The following SMG6 variants were observed in gnomAD, a reference collection of about 807,000 sequenced individuals.
The protein encoded by SMG6 is SMG6 nonsense mediated mRNA decay factor.
Under a neutral mutation model 142.2 loss-of-function variants are expected in SMG6, and 66 were observed. The observed-to-expected ratio is 0.46, with a 90% CI of 0.38 to 0.57. SMG6 has a LOEUF of 0.57. Among genes scored for constraint, SMG6 ranks in the 20% least tolerant of loss-of-function variants. SMG6 has a pLI of 0.00. For missense variants in SMG6, 1,793 were observed against 1,832.0 expected (o/e 0.98, Z 0.39); for synonymous variants, 779 against 702.4 (o/e 1.11, Z -1.72).
At chr17:2,160,273 G>A (rs1254948668) in intron 13 of SMG6, among the ~76,000 whole-genome samples, 1 of 152,092 alleles carries the variant, frequency 6.6e-6, no homozygotes, top group Non-Finnish European at 1.5e-5. Context: ...AGGCTGGAGT[G>A]CAGTGGTGCA....
At chr17:2,116,298 T>C (rs1433891944) in intron 13 of SMG6, among the ~76,000 whole-genome samples, 1 of 152,102 alleles carries the variant, frequency 6.6e-6, no homozygotes, top group Non-Finnish European at 1.5e-5. Flanking sequence ...AGGCTGGTAC[T>C]GAACTCCTGG....
intron 10 of SMG6, among the ~76,000 whole-genome samples, chr17:2,197,297 C>T (rs775556114): frequency 1.3e-5 from 2 of 152,270 alleles, no homozygotes; most frequent in East Asian, 1.9e-4. Context: ...GGCGCGGTGG[C>T]TCACGCCTAT....
chr17:2,156,356 T>C lies in SMG6; in HGVS notation c.3357+16302A>G, dbSNP rs748910720. On this transcript the variant is annotated intron_variant, in intron 13 of 18. Coordinates refer to ENST00000263073, the MANE Select transcript of SMG6 (RefSeq NM_017575.5). Reference sequence around the variant, plus strand: ...ATGAAGTGAGCTGAGATTGCACCACTGTACTTCACCCTGGGCAACAGAGAG... The same window carrying C: ...ATGAAGTGAGCTGAGATTGCACCACCGTACTTCACCCTGGGCAACAGAGAG... 3.4e-5 allele frequency among the ~76,000 whole-genome samples: 4 copies of C among 117,428 alleles called. No homozygotes were observed. In the Admixed American group the frequency reaches 3.6e-4, roughly 11 times the overall value. 77.0% of individuals were successfully genotyped at this position (117,428 alleles called of 152,430 possible). A position where few individuals can be genotyped will look rare whatever the true frequency, so the allele number is the denominator to read the frequency against.
intron 13 of SMG6, among the ~76,000 whole-genome samples, chr17:2,124,900 T>C (rs1007237345): frequency 1.3e-5 from 2 of 152,306 alleles, no homozygotes; most frequent in Non-Finnish European, 1.5e-5. Flanking sequence ...AGCACAACCA[T>C]GATTGGCACC....
In SMG6 at chr17:2,116,260, G is replaced by T. The variant is rs534524012; in HGVS notation, c.3358-30359C>A. Among the ~76,000 whole-genome samples, 23 of 150,894 alleles carry T rather than the reference G, an allele frequency of 1.5e-4. 1 individual carries two copies. The highest frequency in any genetic ancestry group is 1.1e-3 in the Admixed American group (17 of 15,148). ...CTATTTTTTATTTTTTATTTTTTTT[G>T]TACAGGCAGGGTCTTGCTATGTTGC... On this transcript the variant is annotated intron_variant, in intron 13 of 18. Transcript: ENST00000263073.
chr17:2,130,785 T>TC (rs1235841878), intron 13 of SMG6, among the ~76,000 whole-genome samples: 3 of 148,664 alleles, frequency 2.0e-5, no homozygotes, highest in African/African-American at 7.4e-5. Context: ...GGCGGGTGGA[T>TC]CACAAGGTCA....
intron 12 of SMG6, among the ~76,000 whole-genome samples, chr17:2,184,686 G>T (rs1315793269): frequency 7.3e-6 from 1 of 137,186 alleles, no homozygotes; most frequent in African/African-American, 2.8e-5. Flanking sequence ...AAAAAGGCTG[G>T]GTACGGTGGT....
intron 8 of SMG6, among the ~76,000 whole-genome samples, chr17:2,277,141 ATTTATTTATTTATTTATTTATTTATTT>A (rs1567740092): frequency 1.5e-5 from 1 of 66,476 alleles, no homozygotes; most frequent in Non-Finnish European, 3.1e-5. Flanking sequence ...ACATTTATTT[ATTTATTTATTTATTTATTTATTTATTT>A]TTTATTTTTT....
intron 10 of SMG6, among the ~76,000 whole-genome samples, chr17:2,225,692 T>A (rs1228236825): frequency 2.0e-5 from 3 of 152,208 alleles, no homozygotes; most frequent in Non-Finnish European, 4.4e-5. Flanking sequence ...TTTCTGTGGT[T>A]CTTATATTGT....
intron 8 of SMG6, among the ~76,000 whole-genome samples, chr17:2,246,171 C>T (rs2073922382): frequency 6.6e-6 from 1 of 152,080 alleles, no homozygotes; most frequent in Admixed American, 6.6e-5. Flanking sequence ...CTCAGCAAAA[C>T]AAGGGAGGGA....
At chr17:2,131,347 G>A (rs969231903) in intron 13 of SMG6, among the ~76,000 whole-genome samples, 2 of 151,324 alleles carry the variant, frequency 1.3e-5, no homozygotes, top group Non-Finnish European at 2.9e-5. Context: ...CCAGGCTAGA[G>A]TGCAGTGGTG....
At chr17:2,228,056 T>G (rs1430736609) in intron 10 of SMG6, among the ~76,000 whole-genome samples, 4 of 152,136 alleles carry the variant, frequency 2.6e-5, no homozygotes, top group Admixed American at 2.6e-4. Context: ...CAAAATTATG[T>G]GTTTTGTTTT....
intron 12 of SMG6, among the ~76,000 whole-genome samples, chr17:2,179,506 A>G (rs941303671): frequency 6.6e-6 from 1 of 151,998 alleles, no homozygotes; most frequent in African/African-American, 2.4e-5. Flanking sequence ...AGGGCTCCCT[A>G]CGACCCTTCT....
chr17:2,266,453 A>G (rs1377131818), intron 8 of SMG6, among the ~76,000 whole-genome samples: 5 of 152,186 alleles, frequency 3.3e-5, no homozygotes, highest in Admixed American at 1.3e-4. Flanking sequence ...TTACTCCTCT[A>G]TATTTTATTT....
intron 10 of SMG6, among the ~76,000 whole-genome samples, chr17:2,220,624 C>T (rs185262209): frequency 9.9e-5 from 15 of 152,172 alleles, no homozygotes; most frequent in Non-Finnish European, 1.8e-4. Context: ...AGTGAATATA[C>T]ATAACAATAA....
chr17:2,237,987 C>A (rs1479476539), intron 9 of SMG6, among the ~76,000 whole-genome samples: 1 of 152,214 alleles, frequency 6.6e-6, no homozygotes, highest in South Asian at 2.1e-4. Context: ...TAACAAATAG[C>A]TTCTGAAAAG....
chr17:2,211,296 T>C (rs1318395089), intron 10 of SMG6, among the ~76,000 whole-genome samples: 1 of 152,040 alleles, frequency 6.6e-6, no homozygotes, highest in Non-Finnish European at 1.5e-5. Context: ...TTTTTAACAA[T>C]AGCAACATCA....
intron 16 of SMG6, among the ~76,000 whole-genome samples, chr17:2,067,680 C>T (rs181976984): frequency 6.6e-5 from 10 of 152,184 alleles, no homozygotes; most frequent in Admixed American, 4.6e-4. Flanking sequence ...GGAAGGAAGA[C>T]GGGGAGGGTG....
At chr17:2,242,203 G>C (rs1261389406) in intron 9 of SMG6, among the ~76,000 whole-genome samples, 2 of 151,908 alleles carry the variant, frequency 1.3e-5, no homozygotes, top group Non-Finnish European at 2.9e-5. Context: ...GGAGAGAAAG[G>C]TGAAAAAACG....
Sources: gnomAD v4.1 joint callset for allele counts (sites outside exome capture counted in the v4.1 genomes callset) on GRCh38, gnomAD v4.1.1 for gene constraint, MANE v1.5 for transcripts, NCBI Gene and HGNC (gene_info 2026-07-23, HGNC 2026-07-21) for gene names.